Variants in RBFOX1 observed in about 807,000 individuals in gnomAD.
RBFOX1 encodes RNA binding fox-1 homolog 1.
In RBFOX1, 8 loss-of-function variants were observed where a neutral mutation model predicts 57.7. The observed-to-expected ratio is 0.14, with a 90% CI of 0.08 to 0.25. RBFOX1 has a LOEUF of 0.25. Ranked by LOEUF, RBFOX1 falls within the 10% of genes least tolerant of loss-of-function variation. The probability of loss-of-function intolerance (pLI) is 1.00; values close to 1 mark genes in which losing one functional copy is unlikely to be tolerated. For missense variants in RBFOX1, 611 were observed against 548.5 expected, an observed-to-expected ratio of 1.11 and a Z score of -1.14; for synonymous variants, 326 against 222.4, an observed-to-expected ratio of 1.47 and a Z score of -4.15.
intron 1 of RBFOX1, among the ~76,000 whole-genome samples, chr16:5,315,712 C>G (rs571121760): frequency 5.3e-4 from 81 of 152,212 alleles, no homozygotes; most frequent in African/African-American, 2.0e-3. Context: ...GTAAGAGCAC[C>G]AGGAAGGTCA....
chr16:7,451,064 C>A (rs555082065), intron 4 of RBFOX1, among the ~76,000 whole-genome samples: 2 of 152,028 alleles, frequency 1.3e-5, no homozygotes, highest in Non-Finnish European at 1.5e-5. Flanking sequence ...CCCTGAGTGA[C>A]AAGGAGGAGA....
intron 3 of RBFOX1, among the ~76,000 whole-genome samples, chr16:6,756,459 A>C (rs1334867930): frequency 6.6e-6 from 1 of 152,216 alleles, no homozygotes; most frequent in Non-Finnish European, 1.5e-5. Flanking sequence ...AACAAAATAT[A>C]CAAATAGGAC....
At chr16:5,714,170 C>A (rs1247705178) in intron 3 of RBFOX1, among the ~76,000 whole-genome samples, 1 of 152,196 alleles carries the variant, frequency 6.6e-6, no homozygotes, top group African/African-American at 2.4e-5. Context: ...GCAGTGATAG[C>A]CTCATTCTTT....
intron 3 of RBFOX1, among the ~76,000 whole-genome samples, chr16:5,775,941 G>A (rs2054132921): frequency 6.6e-6 from 1 of 152,182 alleles, no homozygotes; most frequent in Admixed American, 6.5e-5. Context: ...CCCTGTTCTT[G>A]TCTGGGTTAC....
intron 2 of RBFOX1, among the ~76,000 whole-genome samples, chr16:5,514,186 A>T (rs2151729316): frequency 6.6e-6 from 1 of 152,280 alleles, no homozygotes; most frequent in African/African-American, 2.4e-5. Flanking sequence ...TCAGCTGGCA[A>T]TCCTGCTGGC....
chr16:6,969,310 C>A (rs764046726), intron 3 of RBFOX1, among the ~76,000 whole-genome samples: 1 of 152,044 alleles, frequency 6.6e-6, no homozygotes, highest in Non-Finnish European at 1.5e-5. Flanking sequence ...CTATTTAGTG[C>A]GGGGTCAGGA....
At chr16:5,569,015 ATTTT>A (rs34247073) in intron 2 of RBFOX1, among the ~76,000 whole-genome samples, 1 of 139,496 alleles carries the variant, frequency 7.2e-6, no homozygotes, top group African/African-American at 2.6e-5. Flanking sequence ...TAATTTTTGT[ATTTT>A]TTTTTTTTTT....
chr16:7,710,397 C>T (rs2083814765), intron 15 of RBFOX1: 1 of 1,384,806 alleles, frequency 7.2e-7, no homozygotes, highest in Non-Finnish European at 9.3e-7. Context: ...GCTAAGAGGA[C>T]TGGCTGACAG....
intron 2 of RBFOX1, among the ~76,000 whole-genome samples, chr16:5,545,063 G>A (rs2045133855): frequency 7.2e-6 from 1 of 138,428 alleles, no homozygotes; most frequent in African/African-American, 2.7e-5. Flanking sequence ...TGCAACCTCT[G>A]CCTCCTGGGT....
Position 5,683,772 on chromosome 16 carries a change from T to C in RBFOX1, c.318+84811T>C, listed in dbSNP as rs372265978. On this transcript the variant is annotated intron_variant, in intron 3 of 19. Transcript: ENST00000641259. The stretch of plus-strand genomic sequence containing the variant: ...GTGTATATATAATATATAATATATA[T>C]ACTGTATTATTTATATTATATGTTT... Among the ~76,000 whole-genome samples the C allele has an allele frequency of 1.6e-4, 23 of 148,274 alleles. No homozygotes were observed. In the East Asian group the frequency reaches 3.1e-3, roughly 20 times the overall value.
At chr16:5,526,751 C>A (rs998445260) in intron 2 of RBFOX1, among the ~76,000 whole-genome samples, 2 of 152,212 alleles carry the variant, frequency 1.3e-5, no homozygotes, top group Non-Finnish European at 2.9e-5. Context: ...CACGTACATT[C>A]TGTAAAGTAC....
At chr16:6,648,969 C>G (rs1051043443) in intron 2 of RBFOX1, among the ~76,000 whole-genome samples, 3 of 152,102 alleles carry the variant, frequency 2.0e-5, no homozygotes, top group African/African-American at 7.2e-5. Flanking sequence ...GGTTAGAACA[C>G]ATAACATCTA....
rs1225981223 is a variant in RBFOX1 at position 6,296,668 on chromosome 16, C to T, written c.-126-20327C>T. Among the ~76,000 whole-genome samples the T allele has an allele frequency of 2.0e-5, 3 of 152,290 alleles. No homozygotes were observed. The East Asian group carries it at 5.8e-4, about 29-fold the overall frequency. On this transcript the variant is annotated intron_variant, in intron 1 of 15. Transcript: ENST00000550418. ...ATCTCCTGACCTTGTGATCCACCTG[C>T]CTCGGCCTCCCAAAGTGCTGGGATT...
chr16:5,579,616 G>A (rs2046592694), intron 2 of RBFOX1, among the ~76,000 whole-genome samples: 1 of 152,184 alleles, frequency 6.6e-6, no homozygotes, highest in South Asian at 2.1e-4. Context: ...TTTTGCTGGA[G>A]CTGCTCCTTC....
chr16:6,376,716 G>C (rs2345051), intron 2 of RBFOX1, among the ~76,000 whole-genome samples: 12,860 of 152,228 alleles, frequency 0.084, 1,832 homozygotes, highest in African/African-American at 0.29. Context: ...AGAAGTATCA[G>C]AAGCTCAGTG....
intron 1 of RBFOX1, among the ~76,000 whole-genome samples, chr16:6,248,285 A>G (rs1310786814): frequency 6.6e-6 from 1 of 152,152 alleles, no homozygotes; most frequent in Non-Finnish European, 1.5e-5. Context: ...GGATAGGAAA[A>G]AAGAGAGGTG....
At chr16:5,787,813 G>A (rs890928625) in intron 3 of RBFOX1, among the ~76,000 whole-genome samples, 16 of 152,318 alleles carry the variant, frequency 1.1e-4, no homozygotes, top group Non-Finnish European at 1.6e-4. Flanking sequence ...AAGGGCACAC[G>A]TTGACAAGAG....
intron 4 of RBFOX1, among the ~76,000 whole-genome samples, chr16:7,209,986 A>G (rs1416357283): frequency 6.6e-6 from 1 of 152,220 alleles, no homozygotes; most frequent in African/African-American, 2.4e-5. Flanking sequence ...TGTGCTTATT[A>G]AACTGCCTTG....
At chr16:6,928,392 G>A (rs988972656) in intron 3 of RBFOX1, among the ~76,000 whole-genome samples, 2 of 152,158 alleles carry the variant, frequency 1.3e-5, no homozygotes, top group African/African-American at 4.8e-5. Context: ...AAAGGGCCCT[G>A]TGGGAGCAGA....
Sources: allele counts gnomAD v4.1 joint callset (sites outside exome capture counted in the v4.1 genomes callset), GRCh38; gene constraint gnomAD v4.1.1; transcripts MANE v1.5; gene names NCBI Gene and HGNC (gene_info 2026-07-23, HGNC 2026-07-21).